PKIB: variants seen among roughly 807,000 people sequenced by gnomAD.
PKIB encodes the protein cAMP-dependent protein kinase inhibitor beta, also known as PKI-beta.
In PKIB, 2 loss-of-function variants were observed where a neutral mutation model predicts 4.5. The ratio of observed to expected loss-of-function variants is 0.44; its 90% CI spans 0.18 to 1.39. The LOEUF (loss-of-function observed/expected upper bound fraction) is 1.39, where lower values mean the gene tolerates loss of function less well. Among genes scored for constraint, PKIB ranks in the 40% most tolerant of loss-of-function variants. The pLI, the probability that PKIB is intolerant of heterozygous loss-of-function variation, is 0.27. For synonymous variants in PKIB, 38 were observed against 36.0 expected, an observed-to-expected ratio of 1.06 and a Z score of -0.20; for missense variants, 94 against 92.6, an observed-to-expected ratio of 1.02 and a Z score of -0.06.
intron 2 of PKIB, among the ~76,000 whole-genome samples, chr6:122,486,913 C>T (rs1351055436): frequency 6.6e-6 from 1 of 151,270 alleles, no homozygotes; most frequent in East Asian, 2.0e-4. Context: ...CAAATGTTAA[C>T]CTTTTGCCAC....
intron 2 of PKIB, among the ~76,000 whole-genome samples, chr6:122,567,751 TAA>T (rs924097957): frequency 5.9e-5 from 9 of 152,302 alleles, no homozygotes; most frequent in African/African-American, 1.7e-4. Context: ...AAAATTTTCA[TAA>T]GTGTAAAGTG....
chr6:122,654,655 T>A (rs943141069), intron 2 of PKIB, among the ~76,000 whole-genome samples: 1 of 152,216 alleles, frequency 6.6e-6, no homozygotes, highest in African/African-American at 2.4e-5. Flanking sequence ...ATTTTGGTGT[T>A]CTATCCTCAA....
At chr6:122,525,690 G>C (rs1404570754) in intron 2 of PKIB, among the ~76,000 whole-genome samples, 1 of 152,138 alleles carries the variant, frequency 6.6e-6, no homozygotes, top group East Asian at 1.9e-4. Context: ...AAAAAATGCT[G>C]ATGATTATCT....
At chr6:122,677,718 C>G (rs1777732361) in intron 3 of PKIB, among the ~76,000 whole-genome samples, 1 of 152,170 alleles carries the variant, frequency 6.6e-6, no homozygotes, top group Non-Finnish European at 1.5e-5. Flanking sequence ...CCCAAGGCCC[C>G]CGGAGAAGAC....
intron 2 of PKIB, among the ~76,000 whole-genome samples, chr6:122,553,543 A>C (rs895023700): frequency 8.1e-6 from 1 of 123,758 alleles, no homozygotes; most frequent in African/African-American, 3.1e-5. Flanking sequence ...TCATGAAATG[A>C]GTTGCTTTTA....
At chr6:122,576,711 T>TATATATATATATATATATATA (rs1554221348) in intron 2 of PKIB, among the ~76,000 whole-genome samples, 3 of 75,668 alleles carry the variant, frequency 4.0e-5, no homozygotes, top group African/African-American at 1.1e-4. Flanking sequence ...TATATATATA[T>TATATATATATATATATATATA]TTTCTTTTGT....
intron 2 of PKIB, among the ~76,000 whole-genome samples, chr6:122,508,530 G>A (rs572147205): frequency 1.2e-3 from 182 of 152,306 alleles, no homozygotes; most frequent in Non-Finnish European, 2.4e-3. Flanking sequence ...AAACCAACAA[G>A]TCAGCTTGTT....
At chr6:122,474,752 A>G (rs1334807553) in intron 1 of PKIB, among the ~76,000 whole-genome samples, 1 of 152,242 alleles carries the variant, frequency 6.6e-6, no homozygotes. Context: ...GGAGTACTAT[A>G]GACAGGCTTA....
intron 3 of PKIB, chr6:122,701,178 T>C (rs1778799193): frequency 5.6e-6 from 2 of 355,908 alleles, no homozygotes; most frequent in Admixed American, 4.1e-5. Flanking sequence ...TCACTACCTT[T>C]GCATGAACAA....
intron 2 of PKIB, among the ~76,000 whole-genome samples, chr6:122,567,095 CTGCCCT>C (rs1773217366): frequency 6.6e-6 from 1 of 152,200 alleles, no homozygotes; most frequent in African/African-American, 2.4e-5. Context: ...GTGGTAGATG[CTGCCCT>C]TGGCCTGCTC....
chr6:122,688,118 G>T (rs1778164158), intron 3 of PKIB, among the ~76,000 whole-genome samples: 1 of 152,166 alleles, frequency 6.6e-6, no homozygotes, highest in African/African-American at 2.4e-5. Context: ...TTATGTTGAG[G>T]TATGTTTCTT....
At chr6:122,668,640 G>A (rs898772380) in intron 2 of PKIB, among the ~76,000 whole-genome samples, 3 of 152,288 alleles carry the variant, frequency 2.0e-5, no homozygotes, top group African/African-American at 7.2e-5. Flanking sequence ...TGTCCTCCTG[G>A]TTGGATCAAC....
At chr6:122,654,051 CAGCAAGA>C (rs1776676171) in intron 2 of PKIB, among the ~76,000 whole-genome samples, 1 of 152,182 alleles carries the variant, frequency 6.6e-6, no homozygotes, top group African/African-American at 2.4e-5. Flanking sequence ...CAATTATGGT[CAGCAAGA>C]TATGCACCTC....
chr6:122,609,238 T>G (rs1478350825), upstream of PKIB, among the ~76,000 whole-genome samples: 1 of 152,218 alleles, frequency 6.6e-6, no homozygotes, highest in Non-Finnish European at 1.5e-5. Flanking sequence ...GAGTATAATT[T>G]AAGGAAGTCA....
intron 3 of PKIB, among the ~76,000 whole-genome samples, chr6:122,699,173 C>T (rs183193956): frequency 3.3e-5 from 5 of 151,760 alleles, no homozygotes; most frequent in Admixed American, 1.3e-4. Context: ...TATGTAGCAG[C>T]GCACCAGCAT....
chr6:122,609,049 ACT>A (rs970633004), upstream of PKIB, among the ~76,000 whole-genome samples: 27 of 96,888 alleles, frequency 2.8e-4, no homozygotes, highest in African/African-American at 7.1e-4. Context: ...GATATAAATA[ACT>A]CTCAGTCTCT....
intron 2 of PKIB, among the ~76,000 whole-genome samples, chr6:122,561,667 G>C (rs1247410120): frequency 2.0e-5 from 3 of 151,536 alleles, no homozygotes; most frequent in Admixed American, 6.6e-5. Context: ...TTTATATATT[G>C]TCCGTCTTTG....
At chr6:122,685,906 A>G (rs1778075301) in intron 3 of PKIB, among the ~76,000 whole-genome samples, 1 of 152,122 alleles carries the variant, frequency 6.6e-6, no homozygotes, top group Admixed American at 6.5e-5. Context: ...AGAACATGCA[A>G]AGTTTGTCTT....
rs1445248250 is a variant in PKIB, at chr6:122,610,438, G to T, written c.-258G>T. Reference sequence around the variant, plus strand: ...CCGCATCCCGGTGGACTGTAGAGGCGGCAGCGAGCTAGAGCCCGAGTCGCA... The same window carrying T: ...CCGCATCCCGGTGGACTGTAGAGGCTGCAGCGAGCTAGAGCCCGAGTCGCA... On this transcript the variant is annotated 5_prime_UTR_variant, in exon 1 of 5. Coordinates refer to ENST00000368452, the MANE Select transcript of PKIB (RefSeq NM_181795.3). The T allele has an allele frequency of 1.3e-5, 2 of 152,274 alleles. No homozygotes were observed. 9.4% of individuals were successfully genotyped at this position (152,274 alleles called of 1,614,324 possible). A position where few individuals can be genotyped will look rare whatever the true frequency, so the allele number is the denominator to read the frequency against.
Sources: allele counts gnomAD v4.1 joint callset (sites outside exome capture counted in the v4.1 genomes callset), GRCh38; gene constraint gnomAD v4.1.1; transcripts MANE v1.5; gene names NCBI Gene and HGNC (gene_info 2026-07-23, HGNC 2026-07-21).